Variants in SLC4A4 observed in about 807,000 individuals in gnomAD.
The protein encoded by SLC4A4 is electrogenic sodium bicarbonate cotransporter 1.
SLC4A4 carries 27 observed loss-of-function variants against 111.5 expected under a neutral mutation model. The ratio of observed to expected loss-of-function variants is 0.24; its 90% CI spans 0.18 to 0.33. The LOEUF is 0.33. Among genes scored for constraint, SLC4A4 ranks in the 10% least tolerant of loss-of-function variants. The pLI is 1.00. For missense variants in SLC4A4, 909 were observed against 1,315.5 expected (o/e 0.69, Z 4.78); for synonymous variants, 443 against 463.4 (o/e 0.96, Z 0.57).
At chr4:71,198,658 G>A (rs1746116872) in intron 1 of SLC4A4, among the ~76,000 whole-genome samples, 1 of 152,102 alleles carries the variant, frequency 6.6e-6, no homozygotes, top group African/African-American at 2.4e-5. Flanking sequence ...ATCAGAACTA[G>A]GAGCACCACA....
rs559141394 is a variant in SLC4A4, at chr4:71,143,086, C to G, written c.-2+50294C>G. Among the ~76,000 whole-genome samples the G allele has an allele frequency of 4.1e-3, 621 of 152,102 alleles. 3 individuals carry two copies. The highest frequency in any genetic ancestry group is 6.5e-3 in the Non-Finnish European group (442 of 67,992). On this transcript the variant is annotated intron_variant, in intron 2 of 26. Coordinates refer to the SLC4A4 transcript ENST00000649996. The stretch of plus-strand genomic sequence containing the variant: ...TAGCATTAGGTATATCTCCTAACGC[C>G]ATCTCTCCCCCATCCCCCCACCATG...
intron 6 of SLC4A4, 64 bp downstream of exon 6, chr4:71,357,251 C>T: frequency 1.3e-6 from 2 of 1,497,792 alleles, no homozygotes; most frequent in East Asian, 4.5e-5. Flanking sequence ...TACACCGTCT[C>T]CTGTCATCTT....
At chr4:71,428,097 T>A (rs1383235168) in intron 7 of SLC4A4, among the ~76,000 whole-genome samples, 1 of 152,106 alleles carries the variant, frequency 6.6e-6, no homozygotes, top group Non-Finnish European at 1.5e-5. Flanking sequence ...AGAAGAGGAA[T>A]AAATAGGCAG....
intron 6 of SLC4A4, among the ~76,000 whole-genome samples, chr4:71,359,007 A>C (rs1340213730): frequency 2.0e-5 from 3 of 152,214 alleles, no homozygotes; most frequent in Non-Finnish European, 4.4e-5. Flanking sequence ...TTTCAAAAAG[A>C]AGTGGAATGA....
intron 5 of SLC4A4, among the ~76,000 whole-genome samples, chr4:71,353,366 A>G (rs76574739): frequency 6.6e-6 from 1 of 152,184 alleles, no homozygotes; most frequent in Non-Finnish European, 1.5e-5. Context: ...ATACAGAAAA[A>G]CAGTTCAGGG....
At chr4:71,085,586 G>A (rs528017422) in intron 1 of SLC4A4, among the ~76,000 whole-genome samples, 1 of 152,184 alleles carries the variant, frequency 6.6e-6, no homozygotes, top group African/African-American at 2.4e-5. Context: ...TTTTGTATAA[G>A]GGGTAAGGAA....
chr4:71,101,176 T>G (rs112248866), intron 2 of SLC4A4, among the ~76,000 whole-genome samples: 4,067 of 152,164 alleles, frequency 0.027, 177 homozygotes, highest in African/African-American at 0.083. Flanking sequence ...GGAGAATGGC[T>G]TGAACGCAAG....
chr4:71,532,014 T>C (rs1212748185), intron 16 of SLC4A4, 48 bp from the exon 17 acceptor site: 20 of 1,054,770 alleles, frequency 1.9e-5, no homozygotes, highest in South Asian at 2.5e-5. Context: ...CAGACAAATA[T>C]ATGTATCTGG....
At chr4:71,124,184 T>G (rs1327967596) in intron 2 of SLC4A4, among the ~76,000 whole-genome samples, 1 of 151,496 alleles carries the variant, frequency 6.6e-6, no homozygotes, top group African/African-American at 2.4e-5. Flanking sequence ...CTTTTTTTTT[T>G]TTTTTTTGTG....
intron 2 of SLC4A4, among the ~76,000 whole-genome samples, chr4:71,178,024 C>G (rs560729038): frequency 3.0e-4 from 46 of 152,302 alleles, no homozygotes; most frequent in Middle Eastern, 3.4e-3. Flanking sequence ...GATTAAGAAA[C>G]TCACTCAAAA....
intron 1 of SLC4A4, among the ~76,000 whole-genome samples, chr4:71,200,047 T>A (rs556378343): frequency 6.6e-6 from 1 of 152,272 alleles, no homozygotes; most frequent in South Asian, 2.1e-4. Flanking sequence ...TGGAATAAAT[T>A]CTTAGTTCTG....
chr4:71,520,881 GT>G (rs1732872926), intron 16 of SLC4A4, among the ~76,000 whole-genome samples: 1 of 151,882 alleles, frequency 6.6e-6, no homozygotes, highest in African/African-American at 2.4e-5. Context: ...GAGAGACGGG[GT>G]TTCACTGTGT....
At chr4:71,160,097 A>G (rs1041172025) in intron 2 of SLC4A4, among the ~76,000 whole-genome samples, 6 of 149,570 alleles carry the variant, frequency 4.0e-5, no homozygotes, top group African/African-American at 9.7e-5. Context: ...GATGAAGTAG[A>G]GGCTATTTGC....
chr4:71,123,994 A>T (rs947702218), intron 2 of SLC4A4, among the ~76,000 whole-genome samples: 1 of 152,172 alleles, frequency 6.6e-6, no homozygotes, highest in African/African-American at 2.4e-5. Context: ...TAGGATTTTA[A>T]TTAGGCAGCT....
intron 6 of SLC4A4, among the ~76,000 whole-genome samples, chr4:71,363,160 C>A (rs1489977526): frequency 6.6e-6 from 1 of 152,128 alleles, no homozygotes; most frequent in Non-Finnish European, 1.5e-5. Context: ...TAGTCTATTG[C>A]TGTTACCTAC....
At chr4:71,320,948 G>T (rs548824690) in intron 3 of SLC4A4, among the ~76,000 whole-genome samples, 3 of 152,136 alleles carry the variant, frequency 2.0e-5, no homozygotes, top group African/African-American at 7.2e-5. Flanking sequence ...ATGAACTGAG[G>T]TTATCTCTAG....
At chr4:71,469,481 A>G (rs1727674239) in intron 13 of SLC4A4, among the ~76,000 whole-genome samples, 1 of 151,934 alleles carries the variant, frequency 6.6e-6, no homozygotes, top group African/African-American at 2.4e-5. Context: ...TATGCTACTG[A>G]GAAACTATGA....
intron 1 of SLC4A4, among the ~76,000 whole-genome samples, chr4:71,089,111 T>C (rs1742294169): frequency 6.6e-6 from 1 of 152,074 alleles, no homozygotes; most frequent in South Asian, 2.1e-4. Flanking sequence ...TTCCTTTTAT[T>C]CTTTTTTCTC....
chr4:71,391,803 T>TG (rs761408792), intron 6 of SLC4A4, among the ~76,000 whole-genome samples: 1 of 152,054 alleles, frequency 6.6e-6, no homozygotes, highest in Non-Finnish European at 1.5e-5. Flanking sequence ...TTTTACACCC[T>TG]GGATTTTAGG....
Sources: allele counts gnomAD v4.1 joint callset (sites outside exome capture counted in the v4.1 genomes callset), GRCh38; gene constraint gnomAD v4.1.1; transcripts MANE v1.5; gene names NCBI Gene and HGNC (gene_info 2026-07-23, HGNC 2026-07-21).